Variants in SENP6 observed in about 807,000 individuals in gnomAD.
SENP6 encodes sentrin-specific protease 6.
SENP6 carries 41 observed loss-of-function variants against 134.5 expected under a neutral mutation model. The observed-to-expected ratio is 0.30, with a 90% CI of 0.24 to 0.40. The LOEUF (loss-of-function observed/expected upper bound fraction) is 0.40, where lower values mean the gene tolerates loss of function less well. SENP6 is among the 10% of genes least tolerant of loss of function. The pLI is 1.00. For missense variants in SENP6, 1,248 were observed against 1,312.5 expected (o/e 0.95, Z 0.76); for synonymous variants, 395 against 429.8 (o/e 0.92, Z 1.00).
At position 75,717,737 on chromosome 6, in the gene SENP6, A is replaced by T. The variant is rs1014884425; in HGVS notation, c.*2143A>T. On this transcript the variant is annotated 3_prime_UTR_variant, in exon 24 of 24. Coordinates refer to ENST00000447266, the MANE Select transcript of SENP6 (RefSeq NM_015571.4). ...ACTTAGAAGTTGTAAAACAGAACTT[A>T]TAGAGGTTTGTTACTAGACACTGAA... 2.0e-5 allele frequency: 3 copies of T among 152,204 alleles called. No homozygotes were observed. The highest frequency in any genetic ancestry group is 7.2e-5 in the African/African-American group (3 of 41,476). 9.4% of individuals were successfully genotyped at this position (152,204 alleles called of 1,614,324 possible).
intron 2 of SENP6, among the ~76,000 whole-genome samples, chr6:75,623,207 A>T (rs1263792264): frequency 6.6e-6 from 1 of 152,192 alleles, no homozygotes; most frequent in Non-Finnish European, 1.5e-5. Flanking sequence ...TACTGTAGTT[A>T]TACATTTTTT....
At chr6:75,620,653 G>A (rs1368441344) in intron 1 of SENP6, 1 of 152,226 alleles carries the variant, frequency 6.6e-6, no homozygotes, top group East Asian at 1.9e-4. Context: ...CACTGACCAT[G>A]GGGTGGATGT....
At chr6:75,710,133 T>C (rs542974780) in intron 20 of SENP6, among the ~76,000 whole-genome samples, 1 of 152,332 alleles carries the variant, frequency 6.6e-6, no homozygotes, top group South Asian at 2.1e-4. Context: ...AAACCTTCAG[T>C]TATATGGTAC....
chr6:75,614,933 G>C (rs1008356749), intron 1 of SENP6, among the ~76,000 whole-genome samples: 2 of 152,080 alleles, frequency 1.3e-5, no homozygotes, highest in Non-Finnish European at 2.9e-5. Context: ...TTTTACCCAG[G>C]CTGGAGTGCA....
In SENP6 at chr6:75,692,907, C is replaced by CA. The variant is rs61197850; in HGVS notation, c.2076-2888dup. ...GGCGAAACCCCATGTTTACCCCCAC[C>CA]AAAAAAAAACAAAGTTAGCCAGGTA... On this transcript the variant is annotated intron_variant, in intron 16 of 23. Transcript: ENST00000447266. 2.1e-4 allele frequency among the ~76,000 whole-genome samples: 32 copies of CA among 149,818 alleles called. No individual in the cohort carries two copies. The East Asian group carries it at 5.1e-3, about 24-fold the overall frequency.
chr6:75,715,555 C>T lies in SENP6; in HGVS notation c.3300C>T (p.Gly1100=), dbSNP rs377259726. The change falls in exon 24 of 24, where the codon GGC becomes GGT. Residue 1100 remains glycine (G), a synonymous_variant. Coordinates refer to ENST00000447266, the MANE Select transcript of SENP6 (RefSeq NM_015571.4). ...KDTYSTEAPL[G]EGTEQYVNSI... ...CTTACTCAACAGAAGCACCTTTAGG[C>T]GAAGGAACAGAACAATATGTCAATA... is the stretch of plus-strand genomic sequence containing the variant. 7.4e-6 allele frequency: 12 copies of T among 1,612,794 alleles called. No homozygotes were observed. The highest frequency in any genetic ancestry group is 1.7e-5 in the Admixed American group (1 of 59,956).
intron 1 of SENP6, among the ~76,000 whole-genome samples, chr6:75,621,278 G>A (rs998334006): frequency 5.9e-5 from 9 of 152,078 alleles, no homozygotes; most frequent in African/African-American, 7.2e-5. Context: ...TGTGCCCTCC[G>A]TTTTTATTAT....
chr6:75,614,595 T>C (rs954202259), intron 1 of SENP6, among the ~76,000 whole-genome samples: 9 of 152,214 alleles, frequency 5.9e-5, no homozygotes, highest in Admixed American at 3.9e-4. Context: ...TTAATAAATA[T>C]TGTGTGGAGA....
At chr6:75,714,570 C>T (rs957633488) in intron 23 of SENP6, among the ~76,000 whole-genome samples, 1 of 152,180 alleles carries the variant, frequency 6.6e-6, no homozygotes, top group African/African-American at 2.4e-5. Flanking sequence ...CTGTTACTTT[C>T]CTGCTTTAAA....
Position 75,634,672 on chromosome 6 carries a change from GTGTTCAAGTTATTTTT to G in SENP6, c.354-30_354-15del, listed in dbSNP as rs1561987750. 17 of 1,196,794 alleles carry G rather than the reference GTGTTCAAGTTATTTTT, an allele frequency of 1.4e-5. No homozygotes were observed. Among genetic ancestry groups the G allele is most frequent in the Non-Finnish European group, 2.0e-5 (17 of 840,426 alleles). 74.1% of individuals were successfully genotyped at this position (1,196,794 alleles called of 1,614,324 possible). ...TTATAAATGTGTATATAATTTTTCC[GTGTTCAAGTTATTTTT>G]TGTTTCTTGAATCTGCAGTGAAAAT... On this transcript the variant is annotated intron_variant, in intron 4 of 23. Coordinates refer to ENST00000447266, the MANE Select transcript of SENP6 (RefSeq NM_015571.4).
At chr6:75,652,755 T>G (rs1770998762) in intron 7 of SENP6, among the ~76,000 whole-genome samples, 1 of 149,056 alleles carries the variant, frequency 6.7e-6, no homozygotes, top group Admixed American at 6.6e-5. Flanking sequence ...CAACACAGTA[T>G]TATTTGAGTT....
At chr6:75,676,850 G>GT in intron 13 of SENP6, 180 bp from the exon 14 acceptor site, 1 of 508,640 alleles carries the variant, frequency 2.0e-6, no homozygotes, top group Non-Finnish European at 3.5e-6. Context: ...ACATTGGCAT[G>GT]TAACACATAC....
chr6:75,610,244 C>G (rs1199590749), intron 1 of SENP6, among the ~76,000 whole-genome samples: 1 of 152,134 alleles, frequency 6.6e-6, no homozygotes, highest in East Asian at 1.9e-4. Flanking sequence ...ATTTTCATTA[C>G]TTAAGCTCTT....
chr6:75,637,889 G>C (rs761630505), intron 5 of SENP6, among the ~76,000 whole-genome samples: 1 of 151,876 alleles, frequency 6.6e-6, no homozygotes, highest in Non-Finnish European at 1.5e-5. Flanking sequence ...ACTGAGTCTC[G>C]CTCTTCTACT....
intron 7 of SENP6, among the ~76,000 whole-genome samples, chr6:75,658,217 G>C (rs1336471497): frequency 6.6e-6 from 1 of 152,122 alleles, no homozygotes; most frequent in Non-Finnish European, 1.5e-5. Context: ...TAGGAAAATA[G>C]ACGTGCAAAC....
rs190798402 is a variant in SENP6, at chr6:75,617,344, G to A, written c.53-4188G>A. ...GCTGGAGTGCAATGGCGTGATCTTGGCTCACTGCGACCTCCGTCTCCTGGG... is the reference window on the plus strand; with the variant it reads ...GCTGGAGTGCAATGGCGTGATCTTGACTCACTGCGACCTCCGTCTCCTGGG... On this transcript the variant is annotated intron_variant, in intron 1 of 23. Transcript: ENST00000447266. Among the ~76,000 whole-genome samples the A allele has an allele frequency of 4.5e-5, 6 of 132,892 alleles. No homozygotes were observed. The East Asian group carries it at 8.8e-4, about 19-fold the overall frequency. 87.2% of individuals were successfully genotyped at this position (132,892 alleles called of 152,430 possible).
intron 16 of SENP6, among the ~76,000 whole-genome samples, chr6:75,686,364 G>GTCT (rs1266241505): frequency 1.3e-5 from 2 of 152,314 alleles, no homozygotes; most frequent in African/African-American, 4.8e-5. Flanking sequence ...GCCAGTCTGT[G>GTCT]TCTTTTAATT....
rs144167094 is a variant in SENP6, at chr6:75,649,049, A to C, written c.550+1248A>C. On this transcript the variant is annotated intron_variant, in intron 7 of 23. Coordinates refer to ENST00000447266, the MANE Select transcript of SENP6 (RefSeq NM_015571.4). ...TGGCCTGGTATGGTGGCTCACACCT[A>C]TAATCCCAGCACTTTACGATGTCGA... 2.7e-3 allele frequency among the ~76,000 whole-genome samples: 409 copies of C among 152,256 alleles called. 1 individual carries two copies. The highest frequency in any genetic ancestry group is 9.5e-3 in the African/African-American group (394 of 41,536).
intron 1 of SENP6, among the ~76,000 whole-genome samples, chr6:75,603,042 G>GT (rs1312347502): frequency 6.6e-6 from 1 of 152,196 alleles, no homozygotes; most frequent in Non-Finnish European, 1.5e-5. Context: ...GTTTCTCAGA[G>GT]TTTCAGGCTT....
Sources: allele counts gnomAD v4.1 joint callset (sites outside exome capture counted in the v4.1 genomes callset), GRCh38; gene constraint gnomAD v4.1.1; transcripts MANE v1.5; gene names NCBI Gene and HGNC (gene_info 2026-07-23, HGNC 2026-07-21).